RBFOX1: variants seen among roughly 807,000 people sequenced by gnomAD.
RBFOX1 encodes the protein RNA binding fox-1 homolog 1.
A neutral mutation model predicts 57.7 loss-of-function variants in RBFOX1; 8 were observed. The observed-to-expected ratio is 0.14, with a 90% confidence interval of 0.08 to 0.25. The LOEUF is 0.25. Among genes scored for constraint, RBFOX1 ranks in the 10% least tolerant of loss-of-function variants. RBFOX1 has a pLI of 1.00. For missense variants in RBFOX1, 611 were observed against 548.5 expected (o/e 1.11, Z -1.14); for synonymous variants, 326 against 222.4 (o/e 1.47, Z -4.15).
At chr16:7,408,259 G>A (rs755779607) in intron 4 of RBFOX1, among the ~76,000 whole-genome samples, 19 of 152,118 alleles carry the variant, frequency 1.2e-4, no homozygotes, top group African/African-American at 4.6e-4. Context: ...TTTTTTCTCA[G>A]CTATGTTTAG....
intron 13 of RBFOX1, among the ~76,000 whole-genome samples, chr16:7,666,575 G>C (rs1206353691): frequency 6.6e-6 from 1 of 152,182 alleles, no homozygotes; most frequent in Non-Finnish European, 1.5e-5. Context: ...TAGCAGGAAG[G>C]AGAGGCTGCC....
intron 4 of RBFOX1, among the ~76,000 whole-genome samples, chr16:7,132,534 A>G (rs1414226452): frequency 6.6e-6 from 1 of 151,506 alleles, no homozygotes; most frequent in Non-Finnish European, 1.5e-5. Context: ...ATAAGTATTA[A>G]TTCATGGTGC....
chr16:7,582,817 T>TC lies in RBFOX1; in HGVS notation c.414+2904dup, dbSNP rs529963931. On this transcript the variant is annotated intron_variant, in intron 6 of 15. Coordinates refer to ENST00000550418, the MANE Select transcript of RBFOX1 (RefSeq NM_018723.4). ...ACAGTCACAAAGATCTTTGTGCTTTTCCCCCCCTTTGTCTCTTGTTAAATA... is the reference window on the plus strand; with the variant it reads ...ACAGTCACAAAGATCTTTGTGCTTTTCCCCCCCCTTTGTCTCTTGTTAAATA... Among the ~76,000 whole-genome samples, 261 of 152,010 alleles carry TC rather than the reference T, an allele frequency of 1.7e-3. 2 individuals carry two copies. The highest frequency in any genetic ancestry group is 6.8e-3 in the Middle Eastern group (2 of 294).
intron 3 of RBFOX1, among the ~76,000 whole-genome samples, chr16:6,720,491 G>C (rs1425767892): frequency 2.6e-5 from 4 of 152,188 alleles, no homozygotes; most frequent in African/African-American, 9.7e-5. Flanking sequence ...ATGTGTTCAA[G>C]AGGAGCCAGC....
intron 2 of RBFOX1, among the ~76,000 whole-genome samples, chr16:6,527,095 C>G (rs925979725): frequency 2.6e-5 from 4 of 152,082 alleles, no homozygotes; most frequent in East Asian, 1.9e-4. Flanking sequence ...TACCCATTGC[C>G]TTTCTTTTTA....
At chr16:5,914,623 G>A (rs1305380417) in intron 4 of RBFOX1, among the ~76,000 whole-genome samples, 18 of 152,194 alleles carry the variant, frequency 1.2e-4, no homozygotes, top group Admixed American at 8.5e-4. Context: ...GAGGCCGGGC[G>A]AGGTGGCTCA....
chr16:6,967,264 A>T (rs906143173), intron 3 of RBFOX1, among the ~76,000 whole-genome samples: 1 of 152,002 alleles, frequency 6.6e-6, no homozygotes, highest in African/African-American at 2.4e-5. Flanking sequence ...CTGTCTGTAC[A>T]CTCATCATTT....
At chr16:6,014,182 A>G (rs1025356939), upstream of RBFOX1, among the ~76,000 whole-genome samples, 1 of 152,218 alleles carries the variant, frequency 6.6e-6, no homozygotes, top group Non-Finnish European at 1.5e-5. Flanking sequence ...AGATGATACA[A>G]TCAAAGAGCT....
chr16:7,503,846 A>G (rs1325907860), intron 4 of RBFOX1, among the ~76,000 whole-genome samples: 1 of 152,144 alleles, frequency 6.6e-6, no homozygotes, highest in East Asian at 1.9e-4. Context: ...TATCTGTGAC[A>G]GTGATGGGCA....
chr16:6,828,856 A>G lies in RBFOX1; in HGVS notation c.-16+174206A>G, dbSNP rs116480280. 4.2e-3 allele frequency among the ~76,000 whole-genome samples: 645 copies of G among 152,328 alleles called. 4 individuals are homozygous for G. Among genetic ancestry groups the G allele is most frequent in the African/African-American group, 0.014 (599 of 41,578 alleles). Reference sequence around the variant, plus strand: ...TTTCCACCCTTTCCCAGGAATTTTCATAAGTATTCCACCCCTTGGCTAAAG... The same window carrying G: ...TTTCCACCCTTTCCCAGGAATTTTCGTAAGTATTCCACCCCTTGGCTAAAG... On this transcript the variant is annotated intron_variant, in intron 3 of 15. Coordinates refer to ENST00000550418, the MANE Select transcript of RBFOX1 (RefSeq NM_018723.4).
chr16:5,556,580 G>A (rs1288483969), intron 2 of RBFOX1, among the ~76,000 whole-genome samples: 2 of 152,226 alleles, frequency 1.3e-5, no homozygotes, highest in Non-Finnish European at 2.9e-5. Context: ...GAGGGGAGAT[G>A]TTTACTGGGG....
chr16:6,037,980 G>A (rs1006150913), intron 1 of RBFOX1: 2 of 151,980 alleles, frequency 1.3e-5, no homozygotes, highest in African/African-American at 4.8e-5. Flanking sequence ...GGACTCTTTA[G>A]GTCTGTATAC....
At chr16:6,574,679 C>T (rs1171115198) in intron 2 of RBFOX1, among the ~76,000 whole-genome samples, 11 of 119,106 alleles carry the variant, frequency 9.2e-5, no homozygotes, top group Non-Finnish European at 1.2e-4. Flanking sequence ...CCGCCCGCCT[C>T]GGCCTCCCAA....
chr16:7,012,701 C>T (rs1379003750), intron 3 of RBFOX1, among the ~76,000 whole-genome samples: 4 of 152,108 alleles, frequency 2.6e-5, no homozygotes, highest in African/African-American at 9.7e-5. Context: ...CAAAGGGAGG[C>T]CAGAGTGACT....
At chr16:6,201,299 T>C (rs1461408807) in intron 1 of RBFOX1, among the ~76,000 whole-genome samples, 1 of 152,188 alleles carries the variant, frequency 6.6e-6, no homozygotes, top group Non-Finnish European at 1.5e-5. Flanking sequence ...ATAAGGGTTT[T>C]CTTTTCTTTG....
intron 1 of RBFOX1, among the ~76,000 whole-genome samples, chr16:5,395,079 C>A (rs1191751159): frequency 6.6e-6 from 1 of 152,204 alleles, no homozygotes; most frequent in Non-Finnish European, 1.5e-5. Flanking sequence ...GCCCGTTCAG[C>A]CTTGTGGTTT....
chr16:7,349,028 T>C (rs943993385), intron 4 of RBFOX1, among the ~76,000 whole-genome samples: 1 of 152,176 alleles, frequency 6.6e-6, no homozygotes, highest in Non-Finnish European at 1.5e-5. Context: ...CAGATTTTCT[T>C]GTAAATTTCT....
intron 4 of RBFOX1, among the ~76,000 whole-genome samples, chr16:5,984,321 G>A (rs886205311): frequency 2.2e-4 from 33 of 150,890 alleles, no homozygotes; most frequent in Middle Eastern, 3.4e-3. Context: ...TGCTTTTAGA[G>A]ACAAAGGACA....
At chr16:7,510,647 G>C (rs983081771) in intron 4 of RBFOX1, among the ~76,000 whole-genome samples, 6 of 152,218 alleles carry the variant, frequency 3.9e-5, no homozygotes, top group African/African-American at 1.4e-4. Context: ...ATGCAGTTTA[G>C]CTCAATTCAC....
Sources: gnomAD v4.1 joint callset for allele counts (sites outside exome capture counted in the v4.1 genomes callset) on GRCh38, gnomAD v4.1.1 for gene constraint, MANE v1.5 for transcripts, NCBI Gene and HGNC (gene_info 2026-07-23, HGNC 2026-07-21) for gene names.